The following IRS2 variants were observed in gnomAD, a reference collection of about 807,000 sequenced individuals.
The protein encoded by IRS2 is insulin receptor substrate 2.
Under a neutral mutation model 70.9 loss-of-function variants are expected in IRS2, and 28 were observed. That is an observed-to-expected ratio of 0.39 (90% CI 0.29 to 0.54). The LOEUF (loss-of-function observed/expected upper bound fraction) is 0.54. Among genes scored for constraint, IRS2 ranks in the 20% least tolerant of loss-of-function variants. The pLI is 0.59. For synonymous variants in IRS2, 1,217 were observed against 981.9 expected, an observed-to-expected ratio of 1.24 and a Z score of -4.48; for missense variants, 2,081 against 2,024.1, an observed-to-expected ratio of 1.03 and a Z score of -0.54.
In IRS2 at chr13:109,782,782, G is replaced by C. The variant is rs533420684; in HGVS notation, c.3272C>G (p.Pro1091Arg). 2.5e-6 allele frequency: 4 copies of C among 1,601,768 alleles called. No individual in the cohort carries two copies. Among genetic ancestry groups the C allele is most frequent in the African/African-American group, 1.3e-5 (1 of 74,742 alleles). The change falls in exon 1 of 2, where the codon CCG (proline) becomes CGG (arginine). Residue 1091 changes from proline (P) to arginine (R), a missense_variant. Pro to Arg is a moderately radical substitution (Grantham distance 103, BLOSUM62 -2). This residue lies in a region of IRS2 where 1,615 missense variants were observed against 1,459.5 expected (regional missense o/e 1.11). Coordinates refer to ENST00000375856, the MANE Select transcript of IRS2 (RefSeq NM_003749.3). ...GGCCACGCGGGCAGCTTCTGGCTTCGGGGGGGCCGCGATAGGTTGCGGCGG... is the reference window on the plus strand; with the variant it reads ...GGCCACGCGGGCAGCTTCTGGCTTCCGGGGGGCCGCGATAGGTTGCGGCGG... Reference protein sequence around the residue: ...ATPPQPIAAPPKPEAARVASP... With the variant: ...ATPPQPIAAPRKPEAARVASP...
At chr13:109,768,569 A>C (rs544276735) in intron 1 of IRS2, among the ~76,000 whole-genome samples, 1 of 152,360 alleles carries the variant, frequency 6.6e-6, no homozygotes, top group African/African-American at 2.4e-5. Flanking sequence ...TCATTTCCAA[A>C]TTAGCTGAAG....
At position 109,775,041 on chromosome 13, in the gene IRS2, G is replaced by A. The variant is rs75159053; in HGVS notation, c.4012+7001C>T. On this transcript the variant is annotated intron_variant, in intron 1 of 1. Coordinates refer to ENST00000375856, the MANE Select transcript of IRS2 (RefSeq NM_003749.3). ...AAAGATTGACTTATTTAAGTCCATA[G>A]AATGCATACAGAAAGCACTGTATCA... 4.8e-3 allele frequency among the ~76,000 whole-genome samples: 719 copies of A among 151,272 alleles called. 5 individuals carry two copies. Among genetic ancestry groups the A allele is most frequent in the Middle Eastern group, 0.021 (6 of 288 alleles).
Position 109,755,617 on chromosome 13 carries a change from T to G in IRS2, c.*687A>C, listed in dbSNP as rs2138907784. On this transcript the variant is annotated 3_prime_UTR_variant, in exon 2 of 2. Transcript: ENST00000375856. Reference sequence around the variant, plus strand: ...ATAATAATTATTATTTAGTAATCCGTCTTCAAAGTCCAATCCCAAATTTCA... The same window carrying G: ...ATAATAATTATTATTTAGTAATCCGGCTTCAAAGTCCAATCCCAAATTTCA... The G allele has an allele frequency of 4.9e-6, 1 of 203,004 alleles. No homozygotes were observed. Among genetic ancestry groups the G allele is most frequent in the African/African-American group, 2.3e-5 (1 of 43,744 alleles). 12.6% of individuals were successfully genotyped at this position (203,004 alleles called of 1,614,324 possible). A position where few individuals can be genotyped will look rare whatever the true frequency, so the allele number is the denominator to read the frequency against.
rs1877867464 is a variant in IRS2, at chr13:109,784,887, G to T, written c.1167C>A (p.Pro389=). ...GARPVSVAGS[P]LSPGPVRAPL... is the part of the protein sequence containing the mutation. ...GCGCGCGCACCGGCCCGGGGCTCAG[G>T]GGGCTCCCAGCCACCGACACCGGCC... The change falls in exon 1 of 2, where the codon CCC becomes CCA. Residue 389 remains proline (P), a synonymous_variant. Transcript: ENST00000375856. This position sits in a 1 kb window ranked among gnomAD's most constrained non-coding sequence, Gnocchi z 5.2. 9.1e-7 allele frequency: 1 copy of T among 1,093,944 alleles called. No individual in the cohort carries two copies. Among genetic ancestry groups the T allele is most frequent in the Non-Finnish European group, 1.1e-6 (1 of 898,908 alleles). The allele number at this position is 1,093,944 out of a possible 1,614,324, so 67.8% of individuals were successfully genotyped here. A position where few individuals can be genotyped will look rare whatever the true frequency, so the allele number is the denominator to read the frequency against.
In IRS2 at chr13:109,782,409, C is replaced by A. The variant is rs1353690048; in HGVS notation, c.3645G>T (p.Pro1215=). Residue 1215 remains proline, a synonymous_variant, in exon 1 of 2, where the codon CCG becomes CCT. Coordinates refer to ENST00000375856, the MANE Select transcript of IRS2 (RefSeq NM_003749.3). ...GACCCGGGGTCCACGGCCGGCCCTG[C>A]GGTGCCAAAGGGGGCGCCGGCTGCA... ...RQLQPAPPLA[P]QGRPWTPGQP... is the part of the protein sequence containing the mutation. The A allele has an allele frequency of 6.2e-6, 10 of 1,602,522 alleles. No individual in the cohort carries two copies. Among genetic ancestry groups the A allele is most frequent in the Non-Finnish European group, 8.5e-6 (10 of 1,174,910 alleles).
rs1481710018 is a variant in IRS2, at chr13:109,783,766, T to G, written c.2288A>C (p.Asn763Thr). ...MEHADGKLLP[N>T]GDYLNVSPSD... ...GGGGGACACGTTGAGGTAGTCCCCG[T>G]TGGGCAGCAGCTTGCCATCTGCATG... is the stretch of plus-strand genomic sequence containing the variant. Residue 763 changes from asparagine (N) to threonine (T), a missense_variant, in exon 1 of 2, where the codon AAC becomes ACC. Transcript: ENST00000375856. 7 of 1,595,958 alleles carry G rather than the reference T, an allele frequency of 4.4e-6. No homozygotes were observed. Among genetic ancestry groups the G allele is most frequent in the Non-Finnish European group, 6.0e-6 (7 of 1,171,818 alleles).
intron 1 of IRS2, among the ~76,000 whole-genome samples, chr13:109,776,236 A>G (rs1472386302): frequency 1.3e-5 from 2 of 152,234 alleles, no homozygotes; most frequent in Non-Finnish European, 2.9e-5. Context: ...GGGTCAAAAT[A>G]TTTGATCAAA....
rs1877068959 is a variant in IRS2, at chr13:109,754,884, A to G, written c.*1420T>C. Reference sequence around the variant, plus strand: ...ACAAAACCAACAACTTACATCTCCAATGAATTAGTGTAACCTCTCCATGAC... The same window carrying G: ...ACAAAACCAACAACTTACATCTCCAGTGAATTAGTGTAACCTCTCCATGAC... On this transcript the variant is annotated 3_prime_UTR_variant, in exon 2 of 2. Transcript: ENST00000375856. 4.8e-6 allele frequency: 1 copy of G among 210,422 alleles called. No homozygotes were observed. Among genetic ancestry groups the G allele is most frequent in the South Asian group, 1.9e-4 (1 of 5,334 alleles). The allele number at this position is 210,422 out of a possible 1,614,324, so 13.0% of individuals were successfully genotyped here. A position where few individuals can be genotyped will look rare whatever the true frequency, so the allele number is the denominator to read the frequency against.
At position 109,782,165 on chromosome 13, in the gene IRS2, C is replaced by T. The variant is rs1400859272; in HGVS notation, c.3889G>A (p.Val1297Met). ...TRSLGGLISA[V>M]GVGSTGGGCG... ...CCGCCGCCGGTGCTGCCGACGCCCA[C>T]AGCGCTGATGAGACCCCCGAGGCTT... is the stretch of plus-strand genomic sequence containing the variant. The change falls in exon 1 of 2, where the codon GTG (valine) becomes ATG (methionine). Residue 1297 changes from valine to methionine, a missense_variant. By Grantham distance (21) the Val-to-Met change is conservative. Around this residue, in one of 4 missense-constraint regions of IRS2, gnomAD observed 1,615 missense variants for 1,459.5 expected, o/e 1.11. Transcript: ENST00000375856. 5 of 1,606,828 alleles carry T rather than the reference C, an allele frequency of 3.1e-6. No individual in the cohort carries two copies. The Middle Eastern group carries it at 5.0e-4, about 160-fold the overall frequency.
At chr13:109,771,603 T>C (rs1012055653) in intron 1 of IRS2, among the ~76,000 whole-genome samples, 1 of 152,252 alleles carries the variant, frequency 6.6e-6, no homozygotes, top group African/African-American at 2.4e-5. Context: ...ATTTGTTTTC[T>C]GTTTCATTTG....
In IRS2 at chr13:109,783,338, C is replaced by T. The variant is rs868776524; in HGVS notation, c.2716G>A (p.Glu906Lys). 1.3e-6 allele frequency: 2 copies of T among 1,558,714 alleles called. No homozygotes were observed. Among genetic ancestry groups the T allele is most frequent in the Non-Finnish European group, 1.7e-6 (2 of 1,161,684 alleles). The change falls in exon 1 of 2, where the codon GAG becomes AAG. Residue 906 changes from glutamate to lysine, a missense_variant. Glu to Lys is a moderately conservative substitution (Grantham distance 56). Transcript: ENST00000375856. The part of the protein sequence containing the change: ...EGLPSLPSMH[E>K]YPLPPEPKSP... Reference sequence around the variant, plus strand: ...TTGGGCTCCGGTGGCAGTGGGTACTCGTGCATGCTGGGCAGGCTGGGCAGC... The same window carrying T: ...TTGGGCTCCGGTGGCAGTGGGTACTTGTGCATGCTGGGCAGGCTGGGCAGC...
At chr13:109,778,545 CA>C (rs1877629272) in intron 1 of IRS2, among the ~76,000 whole-genome samples, 1 of 152,156 alleles carries the variant, frequency 6.6e-6, no homozygotes. Context: ...CCACAGCAAA[CA>C]GAAAACTTGT....
At chr13:109,779,286 A>G (rs1877645558) in intron 1 of IRS2, among the ~76,000 whole-genome samples, 1 of 152,252 alleles carries the variant, frequency 6.6e-6, no homozygotes, top group African/African-American at 2.4e-5. Flanking sequence ...CATGCAGAAC[A>G]GGAAGAGCTC....
At chr13:109,780,460 C>A (rs1877671044) in intron 1 of IRS2, among the ~76,000 whole-genome samples, 1 of 152,194 alleles carries the variant, frequency 6.6e-6, no homozygotes. Context: ...TGAAGCACCA[C>A]ACTCCTGATA....
intron 1 of IRS2, among the ~76,000 whole-genome samples, chr13:109,773,893 C>T (rs1034250642): frequency 2.6e-5 from 4 of 152,200 alleles, no homozygotes; most frequent in Non-Finnish European, 5.9e-5. Context: ...AAAGAACCAA[C>T]TGAGATGTGT....
At chr13:109,765,495 A>T (rs1755725) in intron 1 of IRS2, among the ~76,000 whole-genome samples, 2 of 131,532 alleles carry the variant, frequency 1.5e-5, no homozygotes, top group African/African-American at 3.0e-5. Context: ...CCCTGACTCC[A>T]ACTCCCCACC....
chr13:109,785,609 C>G lies in IRS2; in HGVS notation c.445G>C (p.Ala149Pro), dbSNP rs1238451521. 13 of 1,374,218 alleles carry G rather than the reference C, an allele frequency of 9.5e-6. No homozygotes were observed. The highest frequency in any genetic ancestry group is 1.1e-5 in the Non-Finnish European group (12 of 1,058,692). The allele number at this position is 1,374,218 out of a possible 1,614,324, so 85.1% of individuals were successfully genotyped here. A position where few individuals can be genotyped will look rare whatever the true frequency, so the allele number is the denominator to read the frequency against. Residue 149 changes from alanine (A) to proline (P), a missense_variant, in exon 1 of 2, where the codon GCC becomes CCC. Physicochemically the swap from Ala to Pro is conservative, Grantham distance 27. Coordinates refer to ENST00000375856, the MANE Select transcript of IRS2 (RefSeq NM_003749.3). The surrounding 1 kb of genome is among the most constrained non-coding windows in gnomAD (Gnocchi z 9.3). Reference protein sequence around the residue: ...LTDLVSEGRAAAGDAPPAAAP... With the variant: ...LTDLVSEGRAPAGDAPPAAAP... ...GCGGCGGGGGGCGCGTCTCCGGCGG[C>G]CGCGCGGCCCTCGCTGACCAGGTCG... is the stretch of plus-strand genomic sequence containing the variant.
chr13:109,782,198 G>T lies in IRS2; in HGVS notation c.3856C>A (p.Arg1286=), dbSNP rs1196590775. 1.2e-6 allele frequency: 2 copies of T among 1,606,008 alleles called. No individual in the cohort carries two copies. Among genetic ancestry groups the T allele is most frequent in the Admixed American group, 1.7e-5 (1 of 59,146 alleles). ...ATGAGACCCCCGAGGCTTCGGGTCCGGCCCCAGGAGCTCTTGTCTCCCGGC... is the reference window on the plus strand; with the variant it reads ...ATGAGACCCCCGAGGCTTCGGGTCCTGCCCCAGGAGCTCTTGTCTCCCGGC... ...PQPGDKSSWG[R]TRSLGGLISA... is the part of the protein sequence containing the mutation. Residue 1286 remains arginine, a synonymous_variant, in exon 1 of 2, where the codon CGG becomes AGG. Transcript: ENST00000375856.
chr13:109,777,476 T>C (rs1160096354), intron 1 of IRS2, among the ~76,000 whole-genome samples: 2 of 152,178 alleles, frequency 1.3e-5, no homozygotes, highest in Non-Finnish European at 2.9e-5. Context: ...AAAATATCAA[T>C]TCTCTACTAA....
Sources: allele counts gnomAD v4.1 joint callset (sites outside exome capture counted in the v4.1 genomes callset), GRCh38; gene constraint gnomAD v4.1.1; regional missense constraint gnomAD v4.1.1; non-coding constraint Gnocchi (gnomAD v3.1); transcripts MANE v1.5; gene names NCBI Gene and HGNC (gene_info 2026-07-23, HGNC 2026-07-21).